Variants in STXBP5L observed in about 807,000 individuals in gnomAD.
STXBP5L encodes syntaxin-binding protein 5-like.
STXBP5L carries 65 observed loss-of-function variants against 144.5 expected under a neutral mutation model. That is an observed-to-expected ratio of 0.45 (90% CI 0.37 to 0.55). The LOEUF (loss-of-function observed/expected upper bound fraction) is 0.55. Ranked by LOEUF, STXBP5L falls within the 20% of genes least tolerant of loss-of-function variation. The probability of loss-of-function intolerance (pLI) is 0.00; values close to 1 mark genes in which losing one functional copy is unlikely to be tolerated. For missense variants in STXBP5L, 1,298 were observed against 1,405.5 expected (o/e 0.92, Z 1.22); for synonymous variants, 505 against 469.6 (o/e 1.08, Z -0.97).
intron 5 of STXBP5L, among the ~76,000 whole-genome samples, chr3:121,050,116 C>A (rs947491930): frequency 2.6e-5 from 4 of 152,128 alleles, no homozygotes; most frequent in Non-Finnish European, 5.9e-5. Context: ...CCTGATAAAT[C>A]CCCATGTTTC....
chr3:121,412,514 T>C (rs73855385), intron 23 of STXBP5L, among the ~76,000 whole-genome samples: 1 of 151,984 alleles, frequency 6.6e-6, no homozygotes. Flanking sequence ...CTGAATCTGT[T>C]TCCCTAGTGA....
rs560359820 is a variant in STXBP5L, at chr3:121,068,269, G to A, written c.470+22734G>A. Among the ~76,000 whole-genome samples, 3 of 152,350 alleles carry A rather than the reference G, an allele frequency of 2.0e-5. No individual in the cohort carries two copies. The East Asian group carries it at 5.8e-4, about 29-fold the overall frequency. Reference sequence around the variant, plus strand: ...GAGATCTGCCTGCCTCGGCCTCCCAGTGCTGGGATTACAGGCGTGAGCCAA... The same window carrying A: ...GAGATCTGCCTGCCTCGGCCTCCCAATGCTGGGATTACAGGCGTGAGCCAA... On this transcript the variant is annotated intron_variant, in intron 5 of 26. Coordinates refer to ENST00000471454, the MANE Select transcript of STXBP5L (RefSeq NM_001308330.2).
intron 9 of STXBP5L, among the ~76,000 whole-genome samples, chr3:121,199,488 G>A (rs766486311): frequency 1.3e-5 from 2 of 152,128 alleles, no homozygotes; most frequent in African/African-American, 2.4e-5. Context: ...TCTCTTGCCT[G>A]ATTGCCCTGG....
intron 3 of STXBP5L, among the ~76,000 whole-genome samples, chr3:121,012,011 A>C (rs955475628): frequency 1.3e-5 from 2 of 151,684 alleles, no homozygotes; most frequent in Non-Finnish European, 2.9e-5. Flanking sequence ...CTATGGATCT[A>C]TTTTCTGTCT....
intron 3 of STXBP5L, among the ~76,000 whole-genome samples, chr3:121,006,535 A>G (rs1470780113): frequency 6.6e-6 from 1 of 152,138 alleles, no homozygotes; most frequent in East Asian, 1.9e-4. Flanking sequence ...TAATTGGGGC[A>G]TTTAGCCCAT....
intron 5 of STXBP5L, among the ~76,000 whole-genome samples, chr3:121,064,335 A>T (rs1365848427): frequency 1.1e-4 from 16 of 152,222 alleles, no homozygotes; most frequent in Admixed American, 1.0e-3. Context: ...AGATGAGCTG[A>T]GTACCTCAGT....
chr3:121,350,129 CAGG>C (rs2045209609), intron 20 of STXBP5L, among the ~76,000 whole-genome samples: 1 of 152,124 alleles, frequency 6.6e-6, no homozygotes, highest in African/African-American at 2.4e-5. Flanking sequence ...GTGCTTCCTT[CAGG>C]AGCTCTTTTA....
chr3:121,115,391 G>A (rs988654116), intron 6 of STXBP5L, among the ~76,000 whole-genome samples: 22 of 152,164 alleles, frequency 1.4e-4, no homozygotes, highest in Non-Finnish European at 2.8e-4. Context: ...ATTGTGTTAT[G>A]TAAAAATAAT....
At chr3:121,303,520 A>G (rs1378738185) in intron 19 of STXBP5L, among the ~76,000 whole-genome samples, 1 of 152,174 alleles carries the variant, frequency 6.6e-6, no homozygotes, top group Non-Finnish European at 1.5e-5. Context: ...CAGCCATCCC[A>G]TTACTGGGTA....
At chr3:120,999,589 A>G (rs1310482903) in intron 3 of STXBP5L, among the ~76,000 whole-genome samples, 1 of 150,840 alleles carries the variant, frequency 6.6e-6, no homozygotes, top group Non-Finnish European at 1.5e-5. Flanking sequence ...TAATATTGAC[A>G]TGTGCCAATT....
chr3:121,210,823 G>C (rs1271491830), intron 10 of STXBP5L, among the ~76,000 whole-genome samples: 2 of 152,106 alleles, frequency 1.3e-5, no homozygotes, highest in African/African-American at 4.8e-5. Context: ...ATGCTGTTTT[G>C]GTTACTGTAG....
chr3:121,217,612 A>G (rs1039816907), intron 10 of STXBP5L, among the ~76,000 whole-genome samples: 3 of 152,010 alleles, frequency 2.0e-5, no homozygotes, highest in African/African-American at 7.2e-5. Context: ...TGCAGACCAG[A>G]GCTGTTCCTA....
intron 3 of STXBP5L, among the ~76,000 whole-genome samples, chr3:120,964,202 G>T (rs1458136756): frequency 1.3e-5 from 2 of 151,962 alleles, no homozygotes; most frequent in Non-Finnish European, 2.9e-5. Flanking sequence ...TATCAATTTT[G>T]TTGATCTTTT....
Position 121,421,825 on chromosome 3 carries a change from T to C in STXBP5L, c.*2728T>C, listed in dbSNP as rs940462750. 9 of 152,256 alleles carry C rather than the reference T, an allele frequency of 5.9e-5. No individual in the cohort carries two copies. Among genetic ancestry groups the C allele is most frequent in the Non-Finnish European group, 5.9e-5 (4 of 68,008 alleles). 9.4% of individuals were successfully genotyped at this position (152,256 alleles called of 1,614,324 possible). On this transcript the variant is annotated 3_prime_UTR_variant, in exon 27 of 27. Transcript: ENST00000471454. The stretch of plus-strand genomic sequence containing the variant: ...CAAAAGTTTATAATTAGCACACCAA[T>C]TGGAAGTAAACAGGTGCTTCTCAAA...
chr3:121,026,437 C>A lies in STXBP5L; in HGVS notation c.288-15263C>A, dbSNP rs181498642. Among the ~76,000 whole-genome samples the A allele has an allele frequency of 1.3e-3, 202 of 152,168 alleles. 2 individuals carry two copies. Among genetic ancestry groups the A allele is most frequent in the African/African-American group, 4.6e-3 (193 of 41,560 alleles). On this transcript the variant is annotated intron_variant, in intron 3 of 26. Coordinates refer to ENST00000471454, the MANE Select transcript of STXBP5L (RefSeq NM_001308330.2). ...ATAACACATCACTAGCTTATATTTT[C>A]TCATTTTGCTTATTTGTTTGCTGTT...
At chr3:121,269,889 G>A (rs1315477916) in intron 18 of STXBP5L, among the ~76,000 whole-genome samples, 1 of 152,170 alleles carries the variant, frequency 6.6e-6, no homozygotes, top group Non-Finnish European at 1.5e-5. Context: ...AATGTGACCA[G>A]TTGTACATTA....
At chr3:121,335,405 T>G (rs751542637) in intron 20 of STXBP5L, among the ~76,000 whole-genome samples, 2 of 151,594 alleles carry the variant, frequency 1.3e-5, no homozygotes, top group South Asian at 2.1e-4. Context: ...GATTCATTAC[T>G]GTCAAACTAC....
intron 3 of STXBP5L, among the ~76,000 whole-genome samples, chr3:121,017,374 A>G (rs764097572): frequency 1.1e-4 from 16 of 152,240 alleles, no homozygotes; most frequent in Non-Finnish European, 2.1e-4. Flanking sequence ...TGCTAAGATC[A>G]TGAACAAGGT....
At chr3:121,060,869 T>C (rs971244957) in intron 5 of STXBP5L, among the ~76,000 whole-genome samples, 1 of 152,200 alleles carries the variant, frequency 6.6e-6, no homozygotes, top group African/African-American at 2.4e-5. Context: ...CTCTTCTTCT[T>C]TATTAGTCTG....
Sources: allele counts gnomAD v4.1 joint callset (sites outside exome capture counted in the v4.1 genomes callset), GRCh38; gene constraint gnomAD v4.1.1; transcripts MANE v1.5; gene names NCBI Gene and HGNC (gene_info 2026-07-23, HGNC 2026-07-21).